Variants in C10orf90 observed in about 807,000 individuals in gnomAD.
The protein encoded by C10orf90 is (E2-independent) E3 ubiquitin-conjugating enzyme FATS.
In C10orf90, 56 loss-of-function variants were observed where a neutral mutation model predicts 62.5. The observed-to-expected ratio is 0.90, with a 90% confidence interval of 0.72 to 1.12. The LOEUF is 1.12. Ranked by LOEUF, C10orf90 falls within the 50% of genes most tolerant of loss-of-function variation. C10orf90 has a pLI of 0.00. For synonymous variants in C10orf90, 386 were observed against 340.4 expected, an observed-to-expected ratio of 1.13 and a Z score of -1.47; for missense variants, 970 against 880.4, an observed-to-expected ratio of 1.10 and a Z score of -1.29.
At chr10:126,621,228 A>G (rs905976455) in intron 2 of C10orf90, among the ~76,000 whole-genome samples, 1 of 152,210 alleles carries the variant, frequency 6.6e-6, no homozygotes, top group African/African-American at 2.4e-5. Flanking sequence ...TTCAACATAT[A>G]AACTTAGATT....
intron 2 of C10orf90, among the ~76,000 whole-genome samples, chr10:126,595,624 C>T (rs989682631): frequency 2.6e-5 from 4 of 152,270 alleles, no homozygotes; most frequent in Non-Finnish European, 5.9e-5. Context: ...CTGGCATGGA[C>T]TCACCTGCAA....
chr10:126,462,952 T>C (rs1282406102), intron 5 of C10orf90, among the ~76,000 whole-genome samples: 2 of 152,220 alleles, frequency 1.3e-5, no homozygotes, highest in Middle Eastern at 3.2e-3. Flanking sequence ...TTTCCAGTCA[T>C]GCTCTTTCAT....
intron 1 of C10orf90, among the ~76,000 whole-genome samples, chr10:126,649,750 T>C (rs1846254694): frequency 6.6e-6 from 1 of 152,082 alleles, no homozygotes. Context: ...GAGAAGAAAG[T>C]TGTTGGCCTC....
At position 126,565,439 on chromosome 10, in the gene C10orf90, C is replaced by CATATT. The variant is rs1315196931; in HGVS notation, c.314-51501_314-51500insAATAT. Among the ~76,000 whole-genome samples the CATATT allele has an allele frequency of 7.3e-3, 384 of 52,542 alleles. 8 individuals carry two copies. Among genetic ancestry groups the CATATT allele is most frequent in the African/African-American group, 0.042 (374 of 8,960 alleles). The allele number at this position is 52,542 out of a possible 152,430, so 34.5% of individuals were successfully genotyped here. A position where few individuals can be genotyped will look rare whatever the true frequency, so the allele number is the denominator to read the frequency against. On this transcript the variant is annotated intron_variant, in intron 2 of 9. Transcript: ENST00000488181. ...TATTATATATATTATATATATTATA[C>CATATT]ACACACACACACACACACACAAACT...
intron 4 of C10orf90, among the ~76,000 whole-genome samples, chr10:126,466,370 A>C (rs1280546696): frequency 2.6e-5 from 3 of 116,994 alleles, no homozygotes; most frequent in Non-Finnish European, 5.1e-5. Context: ...ACACACACAC[A>C]AACACACACA....
intron 2 of C10orf90, among the ~76,000 whole-genome samples, chr10:126,614,897 T>C (rs1334119378): frequency 1.3e-5 from 2 of 152,226 alleles, no homozygotes; most frequent in Non-Finnish European, 2.9e-5. Context: ...CAACTAGGAC[T>C]TACAGCATAA....
At chr10:126,616,420 T>C (rs1022475483) in intron 2 of C10orf90, among the ~76,000 whole-genome samples, 1 of 152,190 alleles carries the variant, frequency 6.6e-6, no homozygotes, top group East Asian at 1.9e-4. Context: ...TTATTCAAAA[T>C]ATGATTCTCC....
intron 4 of C10orf90, among the ~76,000 whole-genome samples, chr10:126,487,266 C>G (rs1590992763): frequency 6.6e-6 from 1 of 150,456 alleles, no homozygotes; most frequent in Non-Finnish European, 1.5e-5. Context: ...TAAATGGCTG[C>G]AAAATTTCCA....
intron 2 of C10orf90, among the ~76,000 whole-genome samples, chr10:126,599,747 C>CT (rs1359890180): frequency 2.0e-5 from 3 of 152,028 alleles, no homozygotes; most frequent in East Asian, 3.9e-4. Context: ...AATTAAAGTG[C>CT]TTTTTTCTCT....
At chr10:126,615,943 C>T (rs1845531761) in intron 2 of C10orf90, among the ~76,000 whole-genome samples, 1 of 152,362 alleles carries the variant, frequency 6.6e-6, no homozygotes, top group South Asian at 2.1e-4. Context: ...CCACCATCAC[C>T]TTCACTGGTG....
In C10orf90 at chr10:126,634,249, T is replaced by C. The variant is rs149174520; in HGVS notation, c.313+12316A>G. On this transcript the variant is annotated intron_variant, in intron 2 of 9. Coordinates refer to ENST00000488181, the MANE Select transcript of C10orf90 (RefSeq NM_001350921.2). ...GAGTGTCCATCAATAGGTGAATGGA[T>C]AAAGAAAATGAGGTGTATAGGCACA... Among the ~76,000 whole-genome samples, 119 of 152,208 alleles carry C rather than the reference T, an allele frequency of 7.8e-4. 2 individuals are homozygous for C. The Middle Eastern group carries it at 0.027, about 35-fold the overall frequency.
intron 4 of C10orf90, among the ~76,000 whole-genome samples, chr10:126,494,415 G>A (rs1861927969): frequency 6.6e-6 from 1 of 152,090 alleles, no homozygotes; most frequent in Non-Finnish European, 1.5e-5. Flanking sequence ...AACACACAAC[G>A]AAGTGCACAT....
intron 2 of C10orf90, among the ~76,000 whole-genome samples, chr10:126,594,849 T>G (rs1591128992): frequency 1.3e-5 from 2 of 149,902 alleles, no homozygotes; most frequent in East Asian, 2.0e-4. Flanking sequence ...AGAGAGGAGG[T>G]GAAAAAAGAA....
intron 4 of C10orf90, among the ~76,000 whole-genome samples, chr10:126,489,387 C>G (rs1363811464): frequency 6.6e-6 from 1 of 151,966 alleles, no homozygotes; most frequent in Non-Finnish European, 1.5e-5. Flanking sequence ...CCCAAAAAAC[C>G]TGAATAAAAA....
chr10:126,444,726 C>T (rs1416605806), intron 7 of C10orf90, among the ~76,000 whole-genome samples: 6 of 152,040 alleles, frequency 3.9e-5, no homozygotes, highest in Admixed American at 2.6e-4. Flanking sequence ...CAAGACTAAG[C>T]AAAACAAATA....
At chr10:126,645,441 C>A (rs976823115) in intron 2 of C10orf90, among the ~76,000 whole-genome samples, 1 of 151,056 alleles carries the variant, frequency 6.6e-6, no homozygotes, top group African/African-American at 2.4e-5. Context: ...AACAAAACAA[C>A]TAGCTAGGGA....
intron 4 of C10orf90, among the ~76,000 whole-genome samples, chr10:126,490,006 ATATATAT>A (rs1209124528): frequency 2.6e-4 from 22 of 84,576 alleles, no homozygotes; most frequent in East Asian, 9.7e-4. Flanking sequence ...ATTATATATT[ATATATAT>A]TATATATAAT....
At chr10:126,531,613 C>G (rs1864098580) in intron 2 of C10orf90, among the ~76,000 whole-genome samples, 1 of 152,258 alleles carries the variant, frequency 6.6e-6, no homozygotes, top group African/African-American at 2.4e-5. Flanking sequence ...ACTCTTACCT[C>G]AAATGCTTCA....
At chr10:126,560,154 C>T (rs191518613) in intron 2 of C10orf90, among the ~76,000 whole-genome samples, 109 of 152,296 alleles carry the variant, frequency 7.2e-4, no homozygotes, top group African/African-American at 2.1e-3. Flanking sequence ...TCTCACTAGA[C>T]AGTTCCCCTT....
Sources: gnomAD v4.1 joint callset for allele counts (sites outside exome capture counted in the v4.1 genomes callset) on GRCh38, gnomAD v4.1.1 for gene constraint, MANE v1.5 for transcripts, NCBI Gene and HGNC (gene_info 2026-07-23, HGNC 2026-07-21) for gene names.